Variants in SLC5A8 observed in about 807,000 individuals in gnomAD.
The protein encoded by SLC5A8 is sodium-coupled monocarboxylate transporter 1.
A neutral mutation model predicts 71.9 loss-of-function variants in SLC5A8; 55 were observed. The ratio of observed to expected loss-of-function variants is 0.77; its 90% CI spans 0.62 to 0.96. SLC5A8 has a LOEUF of 0.96. SLC5A8 is among the 40% of genes least tolerant of loss of function. The probability of loss-of-function intolerance (pLI) is 0.00; values close to 1 mark genes in which losing one functional copy is unlikely to be tolerated. For missense variants in SLC5A8, 701 were observed against 745.3 expected (o/e 0.94, Z 0.69); for synonymous variants, 307 against 276.1 (o/e 1.11, Z -1.11).
intron 10 of SLC5A8, among the ~76,000 whole-genome samples, chr12:101,170,336 T>C (rs900629221): frequency 6.6e-6 from 1 of 152,154 alleles, no homozygotes; most frequent in Non-Finnish European, 1.5e-5. Flanking sequence ...GATAAACATA[T>C]GTTTCTCTAT....
intron 10 of SLC5A8, 54 bp downstream of exon 10, chr12:101,179,975 A>C (rs1436234043): frequency 5.7e-6 from 9 of 1,588,298 alleles, no homozygotes; most frequent in African/African-American, 2.7e-5. Context: ...TCACATCAAC[A>C]TTGAAAAAAG....
At chr12:101,183,045 T>TTC (rs1451385345) in intron 8 of SLC5A8, 130 bp from the exon 9 acceptor site, 1 of 464,728 alleles carries the variant, frequency 2.2e-6, no homozygotes, top group Non-Finnish European at 3.5e-6. Context: ...CTTTTTTTTT[T>TTC]TTTTTTTTTT....
chr12:101,168,663 G>T (rs1039964660), intron 10 of SLC5A8, among the ~76,000 whole-genome samples: 1 of 152,162 alleles, frequency 6.6e-6, no homozygotes, highest in African/African-American at 2.4e-5. Flanking sequence ...TGAGAAATAC[G>T]ATTTTAAAAA....
intron 10 of SLC5A8, among the ~76,000 whole-genome samples, chr12:101,175,072 A>AT (rs1336552679): frequency 3.9e-5 from 6 of 152,146 alleles, no homozygotes; most frequent in African/African-American, 1.2e-4. Context: ...AGAGGGAAAA[A>AT]ATATATATAG....
chr12:101,195,110 T>G lies in SLC5A8; in HGVS notation c.522A>C (p.Thr174=). The change falls in exon 4 of 15, where the codon ACA becomes ACC. Residue 174 remains threonine (T), a synonymous_variant. Transcript: ENST00000536262. ...CTGGACGTACCAGTGTGCAGTAGAATGTGCAGACCACCCCCGTTGCCACTA... is the reference window on the plus strand; with the variant it reads ...CTGGACGTACCAGTGTGCAGTAGAAGGTGCAGACCACCCCCGTTGCCACTA... The part of the protein sequence containing the change: ...GAVVATGVVC[T]FYCTLGGLKA... 2 of 1,614,176 alleles carry G rather than the reference T, an allele frequency of 1.2e-6. No individual in the cohort carries two copies. The highest frequency in any genetic ancestry group is 1.7e-6 in the Non-Finnish European group (2 of 1,180,022).
chr12:101,170,056 C>A (rs721633), intron 10 of SLC5A8, among the ~76,000 whole-genome samples: 16,044 of 152,166 alleles, frequency 0.11, 1,235 homozygotes, highest in African/African-American at 0.2. Context: ...AGGCAGTGGA[C>A]GAGGTAGAGA....
chr12:101,178,958 T>TA (rs989619546), intron 10 of SLC5A8, among the ~76,000 whole-genome samples: 3 of 151,884 alleles, frequency 2.0e-5, no homozygotes, highest in South Asian at 2.1e-4. Context: ...AACTCACCAG[T>TA]AAAAAAAGCA....
rs144655649 is a variant in SLC5A8, at chr12:101,156,991, G to T, written c.*288C>A. 1.0e-4 allele frequency: 32 copies of T among 310,432 alleles called. No individual in the cohort carries two copies. In the East Asian group the frequency reaches 1.6e-3, roughly 16 times the overall value. The allele number at this position is 310,432 out of a possible 1,614,324, so 19.2% of individuals were successfully genotyped here. A position where few individuals can be genotyped will look rare whatever the true frequency, so the allele number is the denominator to read the frequency against. The stretch of plus-strand genomic sequence containing the variant: ...TTGACAATCAAATACATGTGCATAT[G>T]TGTGTATTAGCCTTTCAGCATCTAT... On this transcript the variant is annotated 3_prime_UTR_variant, in exon 15 of 15. Transcript: ENST00000536262.
Position 101,186,953 on chromosome 12 carries a change from A to AT in SLC5A8, c.963+432dup, listed in dbSNP as rs1382635246. ...TCACCACATAGTTGGTACTCAGTAAATATTCACTTATTGGATCCATCTCTC... is the reference window on the plus strand; with the variant it reads ...TCACCACATAGTTGGTACTCAGTAAATTATTCACTTATTGGATCCATCTCTC... On this transcript the variant is annotated intron_variant, in intron 7 of 14. Coordinates refer to ENST00000536262, the MANE Select transcript of SLC5A8 (RefSeq NM_145913.5). 5.3e-5 allele frequency among the ~76,000 whole-genome samples: 8 copies of AT among 152,186 alleles called. No individual in the cohort carries two copies. The East Asian group carries it at 1.5e-3, about 29-fold the overall frequency.
chr12:101,165,702 G>A (rs947550446), intron 12 of SLC5A8, among the ~76,000 whole-genome samples: 2 of 152,164 alleles, frequency 1.3e-5, no homozygotes, highest in East Asian at 3.8e-4. Flanking sequence ...TCTCTCAGGA[G>A]TGTGTCCATT....
chr12:101,208,145 G>A (rs7296179), intron 1 of SLC5A8, among the ~76,000 whole-genome samples: 1 of 151,658 alleles, frequency 6.6e-6, no homozygotes, highest in Non-Finnish European at 1.5e-5. Flanking sequence ...GGGGAATTTC[G>A]CCAGTTTGTC....
chr12:101,184,031 CT>C, intron 8 of SLC5A8, 102 bp downstream of exon 8: 2 of 1,156,858 alleles, frequency 1.7e-6, no homozygotes, highest in Non-Finnish European at 2.5e-6. Context: ...TTTGGGCCAT[CT>C]GTGTCTGTGC....
intron 2 of SLC5A8, among the ~76,000 whole-genome samples, chr12:101,203,412 A>G (rs1869541983): frequency 6.6e-6 from 1 of 151,990 alleles, no homozygotes; most frequent in Non-Finnish European, 1.5e-5. Flanking sequence ...CAATGGCATG[A>G]TCTCGGCTCA....
chr12:101,189,044 T>C (rs939567118), intron 6 of SLC5A8, among the ~76,000 whole-genome samples: 1 of 152,186 alleles, frequency 6.6e-6, no homozygotes, highest in African/African-American at 2.4e-5. Context: ...TTCGAGAGTC[T>C]GCTTCATGCA....
intron 13 of SLC5A8, 72 bp from the exon 14 acceptor site, chr12:101,158,400 T>C (rs1270234647): frequency 7.4e-6 from 7 of 943,764 alleles, no homozygotes; most frequent in Non-Finnish European, 1.1e-5. Flanking sequence ...CATTCCATTA[T>C]ACAGGCATTT....
intron 6 of SLC5A8, among the ~76,000 whole-genome samples, chr12:101,188,162 C>T (rs904730237): frequency 3.9e-5 from 6 of 152,178 alleles, no homozygotes; most frequent in Non-Finnish European, 8.8e-5. Context: ...CCTCTCTGAT[C>T]TTCAGTTTCT....
intron 3 of SLC5A8, among the ~76,000 whole-genome samples, chr12:101,195,695 C>CTTTTTTTTTTTTTTTTTTTTT (rs11338261): frequency 1.0e-5 from 1 of 97,452 alleles, no homozygotes; most frequent in African/African-American, 4.5e-5. Context: ...ATGGTAATTC[C>CTTTTTTTTTTTTTTTTTTTTT]TTTTTTTTTT....
rs2051673342 is a variant in SLC5A8 at position 101,157,231 on chromosome 12, C to A, written c.*48G>T. On this transcript the variant is annotated 3_prime_UTR_variant, in exon 15 of 15. Transcript: ENST00000536262. ...AACCTGATCCAATTATCTTAGAAAA[C>A]ATATAAAATTGAAACATCATTTAAG... is the stretch of plus-strand genomic sequence containing the variant. 6.3e-7 allele frequency: 1 copy of A among 1,587,770 alleles called. No homozygotes were observed. Among genetic ancestry groups the A allele is most frequent in the Non-Finnish European group, 8.6e-7 (1 of 1,163,612 alleles).
chr12:101,205,221 G>GC (rs1388383761), intron 1 of SLC5A8, among the ~76,000 whole-genome samples: 1 of 152,210 alleles, frequency 6.6e-6, no homozygotes, highest in Non-Finnish European at 1.5e-5. Flanking sequence ...TGAAAAGGCT[G>GC]CCCCGGTTTC....
Sources: allele counts gnomAD v4.1 joint callset (sites outside exome capture counted in the v4.1 genomes callset), GRCh38; gene constraint gnomAD v4.1.1; transcripts MANE v1.5; gene names NCBI Gene and HGNC (gene_info 2026-07-23, HGNC 2026-07-21).